ARHGAP26: variants seen among roughly 807,000 people sequenced by gnomAD.
The protein encoded by ARHGAP26 is rho GTPase-activating protein 26.
ARHGAP26 carries 38 observed loss-of-function variants against 104.8 expected under a neutral mutation model. That is an observed-to-expected ratio of 0.36 (90% confidence interval 0.28 to 0.48). The LOEUF is 0.48. Ranked by LOEUF, ARHGAP26 falls within the 20% of genes least tolerant of loss-of-function variation. The pLI, the probability that ARHGAP26 is intolerant of heterozygous loss-of-function variation, is 0.99. For missense variants in ARHGAP26, 704 were observed against 947.9 expected (o/e 0.74, Z 3.38); for synonymous variants, 341 against 340.0 (o/e 1.00, Z -0.03).
chr5:142,853,223 C>T (rs930691604), intron 1 of ARHGAP26, among the ~76,000 whole-genome samples: 5 of 151,944 alleles, frequency 3.3e-5, no homozygotes, highest in Admixed American at 1.3e-4. Context: ...CTTCTTTTGT[C>T]GCCTAGGCTG....
chr5:143,147,484 A>C (rs1481757639), intron 20 of ARHGAP26, 103 bp downstream of exon 20: 1 of 1,359,694 alleles, frequency 7.4e-7, no homozygotes, highest in African/African-American at 1.5e-5. Flanking sequence ...TTATCCCCTG[A>C]ACATTATTTA....
At chr5:142,916,705 G>A (rs760798595) in intron 10 of ARHGAP26, among the ~76,000 whole-genome samples, 22 of 152,166 alleles carry the variant, frequency 1.4e-4, no homozygotes, top group Non-Finnish European at 3.1e-4. Context: ...TACTAGGAAA[G>A]GTGATTTCTG....
intron 1 of ARHGAP26, among the ~76,000 whole-genome samples, chr5:142,865,441 T>C (rs1486726035): frequency 1.3e-5 from 2 of 152,010 alleles, no homozygotes; most frequent in African/African-American, 4.8e-5. Context: ...GTATAAGTCG[T>C]AGTGGGCCCA....
chr5:143,080,006 C>A (rs1006815653), intron 17 of ARHGAP26, among the ~76,000 whole-genome samples: 2 of 152,150 alleles, frequency 1.3e-5, no homozygotes, highest in Non-Finnish European at 2.9e-5. Context: ...TATGACCTAC[C>A]TCTGGATAGT....
At chr5:143,046,096 T>G (rs1254622462) in intron 14 of ARHGAP26, among the ~76,000 whole-genome samples, 2 of 152,088 alleles carry the variant, frequency 1.3e-5, no homozygotes, top group African/African-American at 4.8e-5. Flanking sequence ...ACTGCGTCAT[T>G]GCACTCCAGC....
intron 20 of ARHGAP26, among the ~76,000 whole-genome samples, chr5:143,173,943 C>G (rs1803130892): frequency 6.6e-6 from 1 of 152,178 alleles, no homozygotes; most frequent in Non-Finnish European, 1.5e-5. Context: ...AACTAAGTAG[C>G]TCCTCTTCCC....
At chr5:142,846,951 C>A (rs891026386) in intron 1 of ARHGAP26, among the ~76,000 whole-genome samples, 53 of 152,246 alleles carry the variant, frequency 3.5e-4, no homozygotes, top group Admixed American at 7.8e-4. Context: ...CTCAGAACAA[C>A]CTTATGAGGT....
intron 20 of ARHGAP26, among the ~76,000 whole-genome samples, chr5:143,149,038 G>A (rs1799490804): frequency 6.6e-6 from 1 of 152,150 alleles, no homozygotes; most frequent in Non-Finnish European, 1.5e-5. Flanking sequence ...AAGGGGAGGT[G>A]TGTCTTTTAA....
At chr5:143,163,141 C>T (rs1239659029) in intron 20 of ARHGAP26, among the ~76,000 whole-genome samples, 2 of 151,864 alleles carry the variant, frequency 1.3e-5, no homozygotes, top group Non-Finnish European at 2.9e-5. Flanking sequence ...AGACACTATT[C>T]GAGGCACTGT....
chr5:143,216,513 T>C (rs966914460), intron 22 of ARHGAP26: 1 of 325,512 alleles, frequency 3.1e-6, no homozygotes, highest in Non-Finnish European at 6.1e-6. Context: ...CGGCAAACTA[T>C]GACCTGCCCG....
chr5:143,086,259 C>T (rs1790573060), intron 17 of ARHGAP26, among the ~76,000 whole-genome samples: 1 of 152,166 alleles, frequency 6.6e-6, no homozygotes, highest in Non-Finnish European at 1.5e-5. Flanking sequence ...CTTCCAGTCC[C>T]CTCTGGCATT....
chr5:142,799,592 C>T (rs867768165), intron 1 of ARHGAP26, among the ~76,000 whole-genome samples: 1 of 152,102 alleles, frequency 6.6e-6, no homozygotes, highest in African/African-American at 2.4e-5. Context: ...GATTGGGTAA[C>T]TTATAACCAA....
intron 17 of ARHGAP26, among the ~76,000 whole-genome samples, chr5:143,088,709 G>A (rs7727063): frequency 0.094 from 14,320 of 152,242 alleles, 1,292 homozygotes; most frequent in East Asian, 0.36. Context: ...AGATGGAGCA[G>A]CGGTGAGCGC....
chr5:142,822,648 G>A (rs756171654), intron 1 of ARHGAP26, among the ~76,000 whole-genome samples: 1 of 152,046 alleles, frequency 6.6e-6, no homozygotes, highest in Non-Finnish European at 1.5e-5. Context: ...CACCATGTGT[G>A]TGTATGCACA....
At chr5:143,077,497 T>C (rs1789209530) in intron 17 of ARHGAP26, among the ~76,000 whole-genome samples, 1 of 152,080 alleles carries the variant, frequency 6.6e-6, no homozygotes, top group Admixed American at 6.5e-5. Context: ...ATGCAAAGGC[T>C]CTTAACCCTC....
At chr5:143,001,982 C>T (rs1163208812) in intron 11 of ARHGAP26, among the ~76,000 whole-genome samples, 1 of 152,182 alleles carries the variant, frequency 6.6e-6, no homozygotes, top group Non-Finnish European at 1.5e-5. Flanking sequence ...GGGAAGAAGT[C>T]ACCTTTCCCT....
chr5:143,035,314 A>G (rs1023185920), intron 12 of ARHGAP26, among the ~76,000 whole-genome samples: 1 of 152,240 alleles, frequency 6.6e-6, no homozygotes, highest in African/African-American at 2.4e-5. Context: ...CAACAAGTGG[A>G]TAAAGAAACT....
intron 17 of ARHGAP26, among the ~76,000 whole-genome samples, chr5:143,107,067 T>A (rs1794126755): frequency 6.6e-6 from 1 of 152,190 alleles, no homozygotes; most frequent in African/African-American, 2.4e-5. Context: ...TTATTTGCCG[T>A]CGGAATGAAA....
chr5:142,887,841 T>C (rs1247770882), intron 5 of ARHGAP26, among the ~76,000 whole-genome samples: 2 of 152,166 alleles, frequency 1.3e-5, no homozygotes, highest in African/African-American at 4.8e-5. Flanking sequence ...GGTGGGTGCC[T>C]GTAGTCCCAG....
Sources: gnomAD v4.1 joint callset for allele counts (sites outside exome capture counted in the v4.1 genomes callset) on GRCh38, gnomAD v4.1.1 for gene constraint, MANE v1.5 for transcripts, NCBI Gene and HGNC (gene_info 2026-07-23, HGNC 2026-07-21) for gene names.